Variants in KRT8 observed in about 807,000 individuals in gnomAD.
KRT8 encodes the protein keratin 8.
Under a neutral mutation model 43.0 loss-of-function variants are expected in KRT8, and 24 were observed. The observed-to-expected ratio is 0.56, with a 90% CI of 0.40 to 0.78. The LOEUF is 0.78. KRT8 is among the 30% of genes least tolerant of loss of function. The pLI is 0.00. For synonymous variants in KRT8, 214 were observed against 261.2 expected (o/e 0.82, Z 1.74); for missense variants, 492 against 638.4 (o/e 0.77, Z 2.47).
At chr12:52,900,174 G>A in intron 4 of KRT8, 109 bp from the exon 5 acceptor site, 1 of 1,140,034 alleles carries the variant, frequency 8.8e-7, no homozygotes, top group South Asian at 1.4e-5. Flanking sequence ...GAGGAGAGGA[G>A]CAGGTGGGAG....
chr12:52,901,443 C>G, intron 2 of KRT8: 1 of 600,468 alleles, frequency 1.7e-6, no homozygotes, highest in Middle Eastern at 4.5e-4. Context: ...GAATACACAT[C>G]GGATTGGACA....
rs61710484 is a variant in KRT8 at position 52,904,824 on chromosome 12, C to A, written c.158G>T (p.Gly53Val). ...TCCCATGCCGCTGGCCCCACCATAGCCGCCGCCCAGGCCACCGCGAAAGTT... is the reference window on the plus strand; with the variant it reads ...TCCCATGCCGCTGGCCCCACCATAGACGCCGCCCAGGCCACCGCGAAAGTT... Residue 53 changes from glycine to valine, a missense_variant, in exon 1 of 8, where the codon GGC becomes GTC. By Grantham distance (109) the Gly-to-Val change is moderately radical (BLOSUM62 -3). This residue lies in a region of KRT8 where 84 missense variants were observed against 97.6 expected (regional missense o/e 0.86). Transcript: ENST00000692008. 2.5e-5 allele frequency: 40 copies of A among 1,612,324 alleles called. No individual in the cohort carries two copies. Among genetic ancestry groups the A allele is most frequent in the Non-Finnish European group, 3.3e-5 (39 of 1,179,976 alleles).
upstream of KRT8, among the ~76,000 whole-genome samples, chr12:52,905,395 G>GTC (rs1941491426): frequency 1.3e-5 from 2 of 152,204 alleles, no homozygotes; most frequent in African/African-American, 4.8e-5. Context: ...CCTGGGTCTT[G>GTC]TCTCCCTCCC....
intron 2 of KRT8, among the ~76,000 whole-genome samples, chr12:52,935,886 T>C (rs948154227): frequency 6.6e-6 from 1 of 152,150 alleles, no homozygotes; most frequent in Admixed American, 6.6e-5. Context: ...AAGCCACATA[T>C]TGGGCAAAAA....
chr12:52,948,698 G>C lies in KRT8; in HGVS notation c.-47+758C>G. ...GTAGAGAGGGGGTTTCACCATGTTG[G>C]CTAGGATGGTCTCGATCTCCTGACC... is the stretch of plus-strand genomic sequence containing the variant. On this transcript the variant is annotated intron_variant, in intron 2 of 6. Transcript: ENST00000546826. The C allele has an allele frequency of 7.9e-6, 3 of 381,030 alleles. No homozygotes were observed. In the East Asian group the frequency reaches 1.1e-4, roughly 14 times the overall value. The allele number at this position is 381,030 out of a possible 1,614,324, so 23.6% of individuals were successfully genotyped here. A position where few individuals can be genotyped will look rare whatever the true frequency, so the allele number is the denominator to read the frequency against.
chr12:52,937,634 A>G (rs1942189140), intron 2 of KRT8, among the ~76,000 whole-genome samples: 1 of 150,462 alleles, frequency 6.6e-6, no homozygotes, highest in African/African-American at 2.4e-5. Flanking sequence ...GTTGCAGTGA[A>G]CCAAGATCCC....
intron 2 of KRT8, among the ~76,000 whole-genome samples, chr12:52,944,059 T>G (rs1026900471): frequency 6.6e-6 from 1 of 151,916 alleles, no homozygotes; most frequent in African/African-American, 2.4e-5. Context: ...AAGGAGCAAA[T>G]GGGGCAAAGC....
intron 2 of KRT8, among the ~76,000 whole-genome samples, chr12:52,944,192 G>C (rs1227465637): frequency 6.6e-6 from 1 of 152,144 alleles, no homozygotes; most frequent in African/African-American, 2.4e-5. Context: ...TACAGCTGAG[G>C]AGAGACCAAG....
chr12:52,938,293 C>A (rs1324004885), intron 2 of KRT8, among the ~76,000 whole-genome samples: 2 of 149,184 alleles, frequency 1.3e-5, no homozygotes, highest in African/African-American at 4.9e-5. Context: ...CTTGGCCTCC[C>A]GAGTAGCTGG....
At chr12:52,936,080 C>T (rs898262192) in intron 2 of KRT8, among the ~76,000 whole-genome samples, 1 of 151,676 alleles carries the variant, frequency 6.6e-6, no homozygotes, top group South Asian at 2.1e-4. Context: ...GGTGAAACCC[C>T]GTCTGTACTC....
chr12:52,931,161 G>A (rs1034372174), intron 2 of KRT8, among the ~76,000 whole-genome samples: 6 of 150,916 alleles, frequency 4.0e-5, no homozygotes, highest in East Asian at 3.9e-4. Context: ...TCCGCCTCCC[G>A]GGTTCATGCC....
chr12:52,939,323 T>C (rs185948596), intron 2 of KRT8, among the ~76,000 whole-genome samples: 7 of 151,330 alleles, frequency 4.6e-5, no homozygotes. Flanking sequence ...CTGGCCAACA[T>C]GGTGAAACTG....
intron 2 of KRT8, chr12:52,947,440 C>G (rs950459796): frequency 1.3e-5 from 2 of 152,062 alleles, no homozygotes; most frequent in Admixed American, 1.3e-4. Context: ...CCTGTCCTCT[C>G]AGGCCCCATG....
intron 2 of KRT8, among the ~76,000 whole-genome samples, chr12:52,915,463 T>A (rs566492119): frequency 1.3e-5 from 2 of 151,454 alleles, no homozygotes; most frequent in African/African-American, 4.8e-5. Context: ...ATCCTAGCAC[T>A]TCAGGAGGCT....
intron 2 of KRT8, among the ~76,000 whole-genome samples, chr12:52,921,961 T>A (rs923927274): frequency 2.6e-5 from 4 of 151,744 alleles, no homozygotes; most frequent in African/African-American, 9.7e-5. Flanking sequence ...AGGCTAGGAA[T>A]TCAAGACCAG....
At chr12:52,902,668 G>A (rs560449590) in intron 1 of KRT8, among the ~76,000 whole-genome samples, 16 of 152,122 alleles carry the variant, frequency 1.1e-4, no homozygotes, top group African/African-American at 2.6e-4. Flanking sequence ...GATTATAGGC[G>A]TAAGCCACCG....
chr12:52,912,151 G>A (rs1431819500), intron 2 of KRT8, among the ~76,000 whole-genome samples: 2 of 152,264 alleles, frequency 1.3e-5, no homozygotes, highest in East Asian at 3.8e-4. Context: ...CTGAGGGAAA[G>A]GGACTGAGGG....
At chr12:52,902,307 G>T in intron 1 of KRT8, 1 of 559,648 alleles carries the variant, frequency 1.8e-6, no homozygotes, top group Non-Finnish European at 3.2e-6. Flanking sequence ...AGACAGGTAA[G>T]GTAATTATGT....
intron 2 of KRT8, 172 bp from the exon 3 acceptor site, chr12:52,901,391 C>G: frequency 1.5e-6 from 1 of 672,754 alleles, no homozygotes; most frequent in Non-Finnish European, 2.7e-6. Context: ...CCTCACCCCT[C>G]CCTTAGCCCG....
Sources: allele counts gnomAD v4.1 joint callset (sites outside exome capture counted in the v4.1 genomes callset), GRCh38; gene constraint gnomAD v4.1.1; regional missense constraint gnomAD v4.1.1; transcripts MANE v1.5; gene names NCBI Gene and HGNC (gene_info 2026-07-23, HGNC 2026-07-21).